The following TNRC6C variants were observed in gnomAD, a reference collection of about 807,000 sequenced individuals.
TNRC6C encodes the protein trinucleotide repeat containing adaptor 6C.
In TNRC6C, 20 loss-of-function variants were observed where a neutral mutation model predicts 153.7. The observed-to-expected ratio is 0.13, with a 90% CI of 0.09 to 0.19. The LOEUF is 0.19. TNRC6C is among the 10% of genes least tolerant of loss of function. The pLI, the probability that TNRC6C is intolerant of heterozygous loss-of-function variation, is 1.00. For missense variants in TNRC6C, 1,987 were observed against 2,172.0 expected (o/e 0.91, Z 1.69); for synonymous variants, 811 against 841.4 (o/e 0.96, Z 0.63).
At position 78,098,555 on chromosome 17, in the gene TNRC6C, C is replaced by T. The variant is rs148812380; in HGVS notation, c.4501+18C>T. The stretch of plus-strand genomic sequence containing the variant: ...CTCCTCGGGTAAGCTCCATGCTCCT[C>T]GTGTTCCGATGGGGGCCTTACCCTT... On this transcript the variant is annotated intron_variant, in intron 17 of 19. Coordinates refer to ENST00000301624, the Ensembl canonical transcript of TNRC6C. The T allele has an allele frequency of 1.9e-5, 31 of 1,606,166 alleles. No homozygotes were observed. Among genetic ancestry groups the T allele is most frequent in the South Asian group, 1.6e-4 (14 of 90,298 alleles).
intron 7 of TNRC6C, 75 bp downstream of exon 9, chr17:78,073,169 T>A: frequency 1.5e-6 from 2 of 1,338,748 alleles, no homozygotes; most frequent in Non-Finnish European, 2.1e-6. Context: ...TTGATTGTAG[T>A]CATGGTTTAA....
chr17:77,958,618 G>A (rs887266340), upstream of TNRC6C, among the ~76,000 whole-genome samples: 4 of 151,966 alleles, frequency 2.6e-5, no homozygotes, highest in African/African-American at 7.2e-5. Flanking sequence ...GGGCCGGGAC[G>A]ACTTCCTGTT....
Position 78,050,031 on chromosome 17 carries a change from CCA to C in TNRC6C, c.970_971del (p.His324PhefsTer13), listed in dbSNP as rs759362562. 254 of 1,612,862 alleles carry C rather than the reference CCA, an allele frequency of 1.6e-4. No homozygotes were observed. In the Admixed American group the frequency reaches 4.2e-3, roughly 26 times the overall value. ...GTGGCAACAATGGCGTTGGTAATATCCATTCAGGAGCTTGGGGCCACCCCAGC... is the reference window on the plus strand; with the variant it reads ...GTGGCAACAATGGCGTTGGTAATATCTTCAGGAGCTTGGGGCCACCCCAGC... On this transcript the variant is annotated frameshift_variant, in exon 3 of 20. Coordinates refer to ENST00000301624, the Ensembl canonical transcript of TNRC6C. LOFTEE classifies it high-confidence loss of function.
intron 16 of TNRC6C, chr17:78,097,776 G>A (rs1040941992): frequency 1.9e-5 from 29 of 1,550,820 alleles, no homozygotes; most frequent in African/African-American, 5.5e-5. Context: ...AGAATGCCAC[G>A]CTGCCTTCTT....
chr17:78,051,502 TATTCTC>T, intron 3 of TNRC6C, 54 bp downstream of exon 5: 18 of 1,189,634 alleles, frequency 1.5e-5, no homozygotes, highest in Non-Finnish European at 1.9e-5. Flanking sequence ...AAAAAAAGCT[TATTCTC>T]ATTATATATT....
intron 2 of TNRC6C, among the ~76,000 whole-genome samples, chr17:78,032,939 G>A (rs2072104715): frequency 6.6e-6 from 1 of 152,154 alleles, no homozygotes; most frequent in Admixed American, 6.5e-5. Context: ...AAAAAGCAAG[G>A]CAGAAAAGAT....
At chr17:78,102,145 C>A (rs568930478) in intron 17 of TNRC6C, among the ~76,000 whole-genome samples, 29 of 152,196 alleles carry the variant, frequency 1.9e-4, no homozygotes, top group Non-Finnish European at 2.6e-4. Context: ...TGGGGACAGG[C>A]AGAGGTGGAG....
At chr17:77,959,587 G>T (rs566486964) in intron 1 of TNRC6C, among the ~76,000 whole-genome samples, 1 of 152,116 alleles carries the variant, frequency 6.6e-6, no homozygotes, top group African/African-American at 2.4e-5. Context: ...GGTCCTTTCC[G>T]GGCAGCCCCC....
rs756270844 is a variant in TNRC6C, at chr17:78,104,804, A to G, written c.5032A>G (p.Thr1678Ala). The G allele has an allele frequency of 1.4e-5, 20 of 1,436,806 alleles. No homozygotes were observed. Among genetic ancestry groups the G allele is most frequent in the Non-Finnish European group, 1.8e-5 (20 of 1,095,324 alleles). 89.0% of individuals were successfully genotyped at this position (1,436,806 alleles called of 1,614,324 possible). A position where few individuals can be genotyped will look rare whatever the true frequency, so the allele number is the denominator to read the frequency against. ...GATAGGCAGCCCCACGCCGCTAACC[A>G]CCCTGCTGCCTGGGGACCTGCTCAG... Residue 1678 changes from threonine to alanine, a missense_variant, in exon 20 of 20, where the codon ACC becomes GCC. Physicochemically the swap from Thr to Ala is moderately conservative, Grantham distance 58. This residue lies in a region of TNRC6C where 139 missense variants were observed against 148.5 expected (regional missense o/e 0.94). Transcript: ENST00000301624. The surrounding 1 kb of genome is among the most constrained non-coding windows in gnomAD (Gnocchi z 6.2).
chr17:77,958,408 GC>G (rs2070827852), upstream of TNRC6C, among the ~76,000 whole-genome samples: 1 of 151,880 alleles, frequency 6.6e-6, no homozygotes, highest in African/African-American at 2.4e-5. Context: ...CTCGGAGCGC[GC>G]ACCGCTCGCA....
At chr17:78,020,171 A>C (rs2071804901) in intron 1 of TNRC6C, among the ~76,000 whole-genome samples, 1 of 152,168 alleles carries the variant, frequency 6.6e-6, no homozygotes, top group Non-Finnish European at 1.5e-5. Flanking sequence ...TGCTTTGCTG[A>C]GTGAGGCTTC....
intron 17 of TNRC6C, among the ~76,000 whole-genome samples, chr17:78,100,425 G>C (rs1021269626): frequency 4.6e-5 from 7 of 152,236 alleles, no homozygotes; most frequent in Admixed American, 3.3e-4. Context: ...TGCACCCAGA[G>C]TCTCAACACC....
At chr17:78,026,556 TGTG>T (rs2071945095) in intron 1 of TNRC6C, among the ~76,000 whole-genome samples, 1 of 152,150 alleles carries the variant, frequency 6.6e-6, no homozygotes. Context: ...ATTGATGAAA[TGTG>T]GTGGTTAGAT....
intron 8 of TNRC6C, among the ~76,000 whole-genome samples, chr17:78,076,148 G>A (rs188393297): frequency 2.8e-4 from 43 of 151,996 alleles, no homozygotes; most frequent in Admixed American, 1.1e-3. Flanking sequence ...CCCGGGAGGC[G>A]GAGGTTGCAG....
chr17:78,003,426 C>A (rs896839558), upstream of TNRC6C, among the ~76,000 whole-genome samples: 3 of 152,144 alleles, frequency 2.0e-5, no homozygotes, highest in African/African-American at 4.8e-5. Context: ...AAAACAAGAA[C>A]AGGGTGTTGT....
chr17:78,038,918 A>G (rs2072235756), intron 2 of TNRC6C, among the ~76,000 whole-genome samples: 1 of 152,106 alleles, frequency 6.6e-6, no homozygotes, highest in South Asian at 2.1e-4. Flanking sequence ...GCGACCAGCG[A>G]GAGTGTGGGA....
At chr17:78,006,539 TCTTCTTCTTCTTCTTCTTCTTC>T (rs1372384922) in intron 1 of TNRC6C, among the ~76,000 whole-genome samples, 56 of 139,514 alleles carry the variant, frequency 4.0e-4, no homozygotes, top group Admixed American at 9.1e-4. Flanking sequence ...TTCTTCTTCT[TCTTCTTCTTCTTCTTCTTCTTC>T]CTTCTTCCTT....
intron 1 of TNRC6C, among the ~76,000 whole-genome samples, chr17:78,007,104 C>A (rs1223750013): frequency 6.6e-6 from 1 of 152,116 alleles, no homozygotes; most frequent in Admixed American, 6.5e-5. Flanking sequence ...CTCGGCCTGC[C>A]AAAGTGCTGG....
chr17:78,083,212 A>G, intron 11 of TNRC6C, 46 bp downstream of exon 13: 12 of 1,610,208 alleles, frequency 7.5e-6, no homozygotes, highest in Non-Finnish European at 1.0e-5. Flanking sequence ...GGCCGAGTGC[A>G]GATGCACGGC....
Sources: gnomAD v4.1 joint callset for allele counts (sites outside exome capture counted in the v4.1 genomes callset) on GRCh38, gnomAD v4.1.1 for gene constraint, gnomAD v4.1.1 regional missense constraint, Gnocchi (gnomAD v3.1) non-coding constraint, MANE v1.5 for transcripts, NCBI Gene and HGNC (gene_info 2026-07-23, HGNC 2026-07-21) for gene names.